The following MEGF6 variants were observed in gnomAD, a reference collection of about 807,000 sequenced individuals.
MEGF6 encodes the protein multiple EGF like domains 6, also known as multiple epidermal growth factor-like domains protein 6.
A neutral mutation model predicts 207.1 loss-of-function variants in MEGF6; 184 were observed. The ratio of observed to expected loss-of-function variants is 0.89; its 90% CI spans 0.79 to 1.00. The LOEUF is 1.00. Among genes scored for constraint, MEGF6 ranks in the 50% least tolerant of loss-of-function variants. The pLI, the probability that MEGF6 is intolerant of heterozygous loss-of-function variation, is 0.00. For synonymous variants in MEGF6, 1,038 were observed against 910.0 expected, an observed-to-expected ratio of 1.14 and a Z score of -2.53; for missense variants, 2,282 against 2,202.9, an observed-to-expected ratio of 1.04 and a Z score of -0.72.
In MEGF6 at chr1:3,594,626, G is replaced by T. The variant is rs1031698368; in HGVS notation, c.376+712C>A. On this transcript the variant is annotated intron_variant, in intron 3 of 36. Coordinates refer to ENST00000356575, the MANE Select transcript of MEGF6 (RefSeq NM_001409.4). This position sits in a 1 kb window ranked among gnomAD's most constrained non-coding sequence, Gnocchi z 4.2. ...GGGACACTGACCCCTTTGCCCAGGC[G>T]GTTTCACTGGCGGGGCTTCTGTCCC... 6.6e-6 allele frequency among the ~76,000 whole-genome samples: 1 copy of T among 152,022 alleles called. No individual in the cohort carries two copies. Among genetic ancestry groups the T allele is most frequent in the Non-Finnish European group, 1.5e-5 (1 of 68,004 alleles).
chr1:3,500,836 C>T, intron 20 of MEGF6, 72 bp from the exon 21 acceptor site: 1 of 1,593,462 alleles, frequency 6.3e-7, no homozygotes, highest in South Asian at 1.1e-5. Context: ...GAGTCAGGCA[C>T]AGGGGCGTCT....
Position 3,493,961 on chromosome 1 carries a change from G to A in MEGF6, c.4258+35C>T, listed in dbSNP as rs1485826082. The A allele has an allele frequency of 3.2e-6, 5 of 1,584,012 alleles. No individual in the cohort carries two copies. In the South Asian group the frequency reaches 3.4e-5, roughly 11 times the overall value. On this transcript the variant is annotated intron_variant, in intron 33 of 36. Coordinates refer to ENST00000356575, the MANE Select transcript of MEGF6 (RefSeq NM_001409.4). ...CCTGCACCCAGACGGGACGGGGCCAGGGAGCGGGGGTTCAGGGAGGCACCA... is the reference window on the plus strand; with the variant it reads ...CCTGCACCCAGACGGGACGGGGCCAAGGAGCGGGGGTTCAGGGAGGCACCA...
chr1:3,605,453 C>T (rs2101894670), intron 1 of MEGF6, among the ~76,000 whole-genome samples: 1 of 152,116 alleles, frequency 6.6e-6, no homozygotes, highest in African/African-American at 2.4e-5. Flanking sequence ...CCCTCATACA[C>T]ACATATGCTT....
chr1:3,598,782 G>A (rs1287779225), intron 2 of MEGF6, among the ~76,000 whole-genome samples: 1 of 147,964 alleles, frequency 6.8e-6, no homozygotes, highest in Non-Finnish European at 1.5e-5. Flanking sequence ...TGGAGGCCAC[G>A]GCTCAGGGAG....
At chr1:3,531,448 C>T (rs1201339425) in intron 4 of MEGF6, 3 of 1,107,230 alleles carry the variant, frequency 2.7e-6, no homozygotes, top group African/African-American at 3.3e-5. Flanking sequence ...TTTAAGTTCT[C>T]AGCTTTCCCT....
In MEGF6 at chr1:3,500,760, A is replaced by T; in HGVS notation, c.2580T>A (p.Cys860Ter). 6.2e-7 allele frequency: 1 copy of T among 1,605,064 alleles called. No individual in the cohort carries two copies. ...AGTCAGGTCCCCAGTGCCCAGTATCACAGGCTGCAACAGAACTCAGGGTCA... is the reference window on the plus strand; with the variant it reads ...AGTCAGGTCCCCAGTGCCCAGTATCTCAGGCTGCAACAGAACTCAGGGTCA... Reference protein sequence around the residue: ...GWTGFSCQRACDTGHWGPDCS... With the variant: ...GWTGFSCQRA Residue 860 changes from cysteine to a stop codon, truncating the protein, a stop_gained, in exon 21 of 37, where the codon TGT (cysteine) becomes TGA (stop). Coordinates refer to ENST00000356575, the MANE Select transcript of MEGF6 (RefSeq NM_001409.4). LOFTEE classifies it high-confidence loss of function.
chr1:3,576,487 T>C (rs1275691420), intron 4 of MEGF6, among the ~76,000 whole-genome samples: 1 of 152,188 alleles, frequency 6.6e-6, no homozygotes, highest in East Asian at 1.9e-4. Flanking sequence ...GAATCAATTA[T>C]AATTGGGGGG....
chr1:3,530,862 T>TCTA (rs906158787), intron 4 of MEGF6, among the ~76,000 whole-genome samples: 11 of 152,210 alleles, frequency 7.2e-5, no homozygotes, highest in African/African-American at 2.2e-4. Context: ...GTTAGTAGCC[T>TCTA]CTGCCGACAG....
intron 5 of MEGF6, among the ~76,000 whole-genome samples, chr1:3,519,209 G>C (rs1460495820): frequency 1.3e-5 from 2 of 152,204 alleles, no homozygotes; most frequent in African/African-American, 4.8e-5. Context: ...CCGCCTTTCT[G>C]GGTGGTCAGC....
At chr1:3,578,014 C>T (rs1194282207) in intron 4 of MEGF6, among the ~76,000 whole-genome samples, 1 of 152,240 alleles carries the variant, frequency 6.6e-6, no homozygotes, top group African/African-American at 2.4e-5. Context: ...GGGCTTGGAG[C>T]TGGCTCCTGA....
Position 3,510,793 on chromosome 1 carries a change from G to T in MEGF6, c.1224C>A (p.Cys408Ter). ...CAGGGCAGTGCTCACCCTCACAGCCGCAGCCATCGGCACTGAGCCGGTAGC... is the reference window on the plus strand; with the variant it reads ...CAGGGCAGTGCTCACCCTCACAGCCTCAGCCATCGGCACTGAGCCGGTAGC... ...YAGYRLSADG[C>*]GCEDVDECAS... The change falls in exon 10 of 37, where the codon TGC (cysteine) becomes TGA (stop). Residue 408 changes from cysteine (C) to a stop codon, truncating the protein, a stop_gained. Transcript: ENST00000356575. LOFTEE classifies it high-confidence loss of function. 4 of 1,603,492 alleles carry T rather than the reference G, an allele frequency of 2.5e-6. No individual in the cohort carries two copies. The highest frequency in any genetic ancestry group is 3.4e-6 in the Non-Finnish European group (4 of 1,173,280).
At chr1:3,570,379 G>A (rs191121832) in intron 4 of MEGF6, among the ~76,000 whole-genome samples, 4 of 152,196 alleles carry the variant, frequency 2.6e-5, no homozygotes, top group Non-Finnish European at 4.4e-5. Context: ...GGACTCGGGG[G>A]ATTTCCAGGG....
intron 2 of MEGF6, among the ~76,000 whole-genome samples, chr1:3,599,746 G>A (rs1044397994): frequency 7.9e-5 from 12 of 151,958 alleles, no homozygotes; most frequent in Non-Finnish European, 1.8e-4. Flanking sequence ...GTGCCCTGCC[G>A]GCCAGCACTC....
At chr1:3,492,211 GCA>G (rs1476697316) in intron 35 of MEGF6, among the ~76,000 whole-genome samples, 9 of 152,060 alleles carry the variant, frequency 5.9e-5, no homozygotes, top group Non-Finnish European at 1.3e-4. Context: ...GCACGTGCGT[GCA>G]CAGACACACC....
intron 4 of MEGF6, chr1:3,531,062 G>T: frequency 6.6e-7 from 1 of 1,509,858 alleles, no homozygotes; most frequent in East Asian, 2.7e-5. Context: ...GCCCTGCCCA[G>T]GCTCGCCCGG....
At chr1:3,548,218 C>T (rs1642777670) in intron 4 of MEGF6, among the ~76,000 whole-genome samples, 2 of 152,226 alleles carry the variant, frequency 1.3e-5, no homozygotes, top group Non-Finnish European at 2.9e-5. Context: ...ACCAGCACCC[C>T]AGACAGACGG....
Position 3,497,304 on chromosome 1 carries a change from C to T in MEGF6, c.3410G>A (p.Gly1137Asp). ...CCCAGTGACGTGGTGGCAGGCAGCG[C>T]CAGGCGGGCAGCTGCAGCGCTGGGC... ...ACAQRCSCPP[G>D]AACHHVTGAC... The change falls in exon 27 of 37, where the codon GGC (glycine) becomes GAC (aspartate). Residue 1137 changes from glycine (G) to aspartate (D), a missense_variant. Coordinates refer to ENST00000356575, the MANE Select transcript of MEGF6 (RefSeq NM_001409.4). The T allele has an allele frequency of 6.5e-7, 1 of 1,549,428 alleles. No homozygotes were observed. Among genetic ancestry groups the T allele is most frequent in the Middle Eastern group, 1.8e-4 (1 of 5,576 alleles).
Position 3,531,351 on chromosome 1 carries a change from G to A in MEGF6, c.482-7105C>T, listed in dbSNP as rs1014825721. The stretch of plus-strand genomic sequence containing the variant: ...CGGCTCGGGCTGGTTCTGGGTTCCG[G>A]GCGGGCGCGCAATCCCAGCCCCGGG... On this transcript the variant is annotated intron_variant, in intron 4 of 36. Coordinates refer to ENST00000356575, the MANE Select transcript of MEGF6 (RefSeq NM_001409.4). 1.2e-5 allele frequency: 14 copies of A among 1,192,492 alleles called. No individual in the cohort carries two copies. In the African/African-American group the frequency reaches 2.1e-4, roughly 18 times the overall value. 73.9% of individuals were successfully genotyped at this position (1,192,492 alleles called of 1,614,324 possible).
At chr1:3,561,609 T>C (rs1643204168) in intron 4 of MEGF6, among the ~76,000 whole-genome samples, 2 of 152,098 alleles carry the variant, frequency 1.3e-5, no homozygotes, top group Admixed American at 6.5e-5. Context: ...AGGAGCCAGG[T>C]CTGGATTCAA....
Sources: allele counts gnomAD v4.1 joint callset (sites outside exome capture counted in the v4.1 genomes callset), GRCh38; gene constraint gnomAD v4.1.1; non-coding constraint Gnocchi (gnomAD v3.1); transcripts MANE v1.5; gene names NCBI Gene and HGNC (gene_info 2026-07-23, HGNC 2026-07-21).